HSD17B3: variants seen among roughly 807,000 people sequenced by gnomAD.
HSD17B3 encodes 17-beta-hydroxysteroid dehydrogenase type 3.
HSD17B3 carries 29 observed loss-of-function variants against 41.1 expected under a neutral mutation model. That is an observed-to-expected ratio of 0.71 (90% CI 0.53 to 0.96). The LOEUF (loss-of-function observed/expected upper bound fraction) is 0.96. HSD17B3 is among the 40% of genes least tolerant of loss of function. The pLI is 0.00. For synonymous variants in HSD17B3, 126 were observed against 145.6 expected (o/e 0.87, Z 0.97); for missense variants, 323 against 374.6 (o/e 0.86, Z 1.14).
At chr9:96,297,207 T>C (rs1827397685) in intron 2 of HSD17B3, among the ~76,000 whole-genome samples, 1 of 152,102 alleles carries the variant, frequency 6.6e-6, no homozygotes, top group Admixed American at 6.5e-5. Context: ...GAATATCTCA[T>C]ATTTCTCAAT....
intron 2 of HSD17B3, among the ~76,000 whole-genome samples, chr9:96,259,192 G>A (rs570337076): frequency 6.6e-6 from 1 of 152,286 alleles, no homozygotes; most frequent in East Asian, 1.9e-4. Flanking sequence ...GCTCCCTGCT[G>A]GGAGCCATTT....
intron 10 of HSD17B3, chr9:96,239,377 T>C (rs1403444449): frequency 1.3e-5 from 2 of 152,204 alleles, no homozygotes; most frequent in African/African-American, 4.8e-5. Flanking sequence ...TTAGACTCAT[T>C]GGACATTCGA....
chr9:96,265,731 A>G (rs2130751976), intron 2 of HSD17B3, among the ~76,000 whole-genome samples: 1 of 152,352 alleles, frequency 6.6e-6, no homozygotes, highest in Non-Finnish European at 1.5e-5. Context: ...AAAAGGCTAA[A>G]TTTATCAGGA....
intron 1 of HSD17B3, among the ~76,000 whole-genome samples, chr9:96,300,593 T>C (rs144851173): frequency 0.016 from 1,608 of 99,810 alleles, 180 homozygotes; most frequent in African/African-American, 0.051. Flanking sequence ...TAATCATTTT[T>C]GTCATTGGAT....
chr9:96,276,107 T>TAA (rs57386167), intron 2 of HSD17B3, among the ~76,000 whole-genome samples: 2,594 of 41,126 alleles, frequency 0.063, 450 homozygotes, highest in East Asian at 0.26. Context: ...TCCTGTCTCA[T>TAA]AAAAAAAAAA....
chr9:96,297,995 A>T (rs939646942), intron 2 of HSD17B3, among the ~76,000 whole-genome samples: 1 of 152,218 alleles, frequency 6.6e-6, no homozygotes, highest in Non-Finnish European at 1.5e-5. Flanking sequence ...AATGCCATTA[A>T]TGTCCTTGAA....
In HSD17B3 at chr9:96,236,507, A is replaced by T. The variant is rs534288365; in HGVS notation, c.823-937T>A. ...ACTCCAGCCTGGGTGACAGAGCGAG[A>T]GTCTGTCATAAATAAATAAATAAAT... is the stretch of plus-strand genomic sequence containing the variant. On this transcript the variant is annotated intron_variant, in intron 10 of 10. Transcript: ENST00000375263. Among the ~76,000 whole-genome samples, 45 of 144,490 alleles carry T rather than the reference A, an allele frequency of 3.1e-4. 1 individual carries two copies. The South Asian group carries it at 9.7e-3, about 31-fold the overall frequency. The allele number at this position is 144,490 out of a possible 152,430, so 94.8% of individuals were successfully genotyped here.
At chr9:96,267,489 C>T (rs767155570) in intron 2 of HSD17B3, among the ~76,000 whole-genome samples, 5 of 151,860 alleles carry the variant, frequency 3.3e-5, no homozygotes, top group South Asian at 2.1e-4. Flanking sequence ...AAAATACCTT[C>T]GGAGGAATTA....
intron 2 of HSD17B3, among the ~76,000 whole-genome samples, chr9:96,288,892 G>A (rs1440458106): frequency 6.6e-6 from 1 of 150,382 alleles, no homozygotes; most frequent in Non-Finnish European, 1.5e-5. Context: ...AGCCGAAATT[G>A]CGCCACTGCA....
intron 2 of HSD17B3, among the ~76,000 whole-genome samples, chr9:96,288,908 G>A (rs1186606582): frequency 6.8e-6 from 1 of 147,200 alleles, no homozygotes; most frequent in South Asian, 2.1e-4. Context: ...CTGCACTCCA[G>A]CCTGGGTGAC....
chr9:96,292,637 C>T (rs923532430), intron 2 of HSD17B3, among the ~76,000 whole-genome samples: 1 of 152,182 alleles, frequency 6.6e-6, no homozygotes. Flanking sequence ...CAGGAGCCAC[C>T]ACACCGGGCC....
chr9:96,265,642 CAT>C (rs1182105188), intron 2 of HSD17B3, among the ~76,000 whole-genome samples: 1 of 151,960 alleles, frequency 6.6e-6, no homozygotes, highest in Non-Finnish European at 1.5e-5. Flanking sequence ...AGAAGAGAGA[CAT>C]ATATATATGA....
At chr9:96,272,449 A>AAAAT (rs1826302963) in intron 2 of HSD17B3, among the ~76,000 whole-genome samples, 1 of 98,826 alleles carries the variant, frequency 1.0e-5, no homozygotes, top group Non-Finnish European at 2.0e-5. Context: ...ATATATATAA[A>AAAAT]ATATATATGA....
chr9:96,240,112 A>G (rs1296853302), intron 10 of HSD17B3, among the ~76,000 whole-genome samples: 1 of 152,160 alleles, frequency 6.6e-6, no homozygotes, highest in African/African-American at 2.4e-5. Flanking sequence ...TAGGACAAAT[A>G]CCTAGTGCAA....
Position 96,235,408 on chromosome 9 carries a change from G to T in HSD17B3, c.*52C>A. Reference sequence around the variant, plus strand: ...TGGTCTGCTCCTCTGGTCCTCTTCAGCCAGCATGGGACTGGTGAGGAAAAG... The same window carrying T: ...TGGTCTGCTCCTCTGGTCCTCTTCATCCAGCATGGGACTGGTGAGGAAAAG... On this transcript the variant is annotated 3_prime_UTR_variant, in exon 11 of 11. Transcript: ENST00000375263. 1 of 1,269,832 alleles carries T rather than the reference G, an allele frequency of 7.9e-7. No homozygotes were observed. The highest frequency in any genetic ancestry group is 1.1e-6 in the Non-Finnish European group (1 of 879,200). The allele number at this position is 1,269,832 out of a possible 1,614,324, so 78.7% of individuals were successfully genotyped here.
At chr9:96,249,312 T>C (rs1469122340) in intron 6 of HSD17B3, among the ~76,000 whole-genome samples, 2 of 152,190 alleles carry the variant, frequency 1.3e-5, no homozygotes, top group African/African-American at 2.4e-5. Context: ...AGAACACAGA[T>C]GAATTTGAGC....
Position 96,249,770 on chromosome 9 carries a change from T to G in HSD17B3, c.470A>C (p.Asn157Thr), listed in dbSNP as rs757651920. Reference protein sequence around the residue: ...PDEIQSLIHCNITSVVKMTQL... With the variant: ...PDEIQSLIHCTITSVVKMTQL... Reference sequence around the variant, plus strand: ...ACATACCTTGACTACGGAGGTGATGTTACAATGGATGAGGCTCTGTAATAA... The same window carrying G: ...ACATACCTTGACTACGGAGGTGATGGTACAATGGATGAGGCTCTGTAATAA... Residue 157 changes from asparagine to threonine, a missense_variant, in exon 6 of 11, where the codon AAC (asparagine) becomes ACC (threonine). Coordinates refer to ENST00000375263, the MANE Select transcript of HSD17B3 (RefSeq NM_000197.2). 2 of 1,614,100 alleles carry G rather than the reference T, an allele frequency of 1.2e-6. No homozygotes were observed. Among genetic ancestry groups the G allele is most frequent in the Non-Finnish European group, 1.7e-6 (2 of 1,179,972 alleles).
At chr9:96,250,224 A>C (rs1836840747) in intron 5 of HSD17B3, 4 of 1,122,278 alleles carry the variant, frequency 3.6e-6, no homozygotes, top group Admixed American at 4.4e-5. Flanking sequence ...ATGACCAAAG[A>C]TAAAGAGAAA....
chr9:96,264,817 C>T (rs1485212487), intron 2 of HSD17B3, among the ~76,000 whole-genome samples: 1 of 152,162 alleles, frequency 6.6e-6, no homozygotes, highest in African/African-American at 2.4e-5. Flanking sequence ...TCTATAAAAG[C>T]TTATTTACTT....
Sources: allele counts gnomAD v4.1 joint callset (sites outside exome capture counted in the v4.1 genomes callset), GRCh38; gene constraint gnomAD v4.1.1; transcripts MANE v1.5; gene names NCBI Gene and HGNC (gene_info 2026-07-23, HGNC 2026-07-21).